The following TENM2 variants were observed in gnomAD, a reference collection of about 807,000 sequenced individuals.
The protein encoded by TENM2 is teneurin-2.
A neutral mutation model predicts 245.2 loss-of-function variants in TENM2; 52 were observed. The observed-to-expected ratio is 0.21, with a 90% CI of 0.17 to 0.27. The LOEUF (loss-of-function observed/expected upper bound fraction) is 0.27. Among genes scored for constraint, TENM2 ranks in the 10% least tolerant of loss-of-function variants. The pLI is 1.00. For synonymous variants in TENM2, 1,363 were observed against 1,438.9 expected, an observed-to-expected ratio of 0.95 and a Z score of 1.19; for missense variants, 3,046 against 3,666.8, an observed-to-expected ratio of 0.83 and a Z score of 4.37.
At chr5:168,167,306 G>A (rs1407733184) in intron 13 of TENM2, among the ~76,000 whole-genome samples, 2 of 151,934 alleles carry the variant, frequency 1.3e-5, no homozygotes, top group Non-Finnish European at 2.9e-5. Context: ...CTAAAAGTGG[G>A]AACTGCAAGG....
intron 10 of TENM2, among the ~76,000 whole-genome samples, chr5:168,123,098 A>G (rs1640522851): frequency 6.6e-6 from 1 of 151,736 alleles, no homozygotes; most frequent in African/African-American, 2.4e-5. Flanking sequence ...GGAGTTCACA[A>G]CTAGCCTGGG....
the TENM2 span, among the ~76,000 whole-genome samples, chr5:167,044,754 ACTCAAGC>A: frequency 6.6e-6 from 1 of 152,188 alleles, no homozygotes; most frequent in Non-Finnish European, 1.5e-5. Context: ...GAGCCAGAAG[ACTCAAGC>A]CACAGGAAGA....
the TENM2 span, among the ~76,000 whole-genome samples, chr5:167,003,083 A>G: frequency 6.6e-6 from 1 of 152,258 alleles, no homozygotes; most frequent in East Asian, 1.9e-4. Context: ...TGTTAGGCTA[A>G]AAGAAAAATA....
chr5:167,431,940 C>CATATATATATAT (rs1189670905), intron 2 of TENM2, among the ~76,000 whole-genome samples: 2 of 65,854 alleles, frequency 3.0e-5, no homozygotes, highest in African/African-American at 1.2e-4. Context: ...TATATATATA[C>CATATATATATAT]ATATATATGT....
intron 4 of TENM2, among the ~76,000 whole-genome samples, chr5:167,978,486 GA>G (rs1782602530): frequency 6.6e-6 from 1 of 152,172 alleles, no homozygotes; most frequent in African/African-American, 2.4e-5. Context: ...GGATGAACTT[GA>G]AAACATTATG....
chr5:168,171,293 T>C (rs919435082), intron 13 of TENM2, among the ~76,000 whole-genome samples: 3 of 152,254 alleles, frequency 2.0e-5, no homozygotes, highest in African/African-American at 7.2e-5. Context: ...TATTTCATCA[T>C]ATTATTTTCA....
At chr5:167,766,336 A>C (rs796895191) in intron 2 of TENM2, among the ~76,000 whole-genome samples, 1 of 152,224 alleles carries the variant, frequency 6.6e-6, no homozygotes, top group Non-Finnish European at 1.5e-5. Context: ...AAGGGGACAC[A>C]GTGGGATGAT....
At chr5:168,199,715 T>C (rs1761767115) in intron 16 of TENM2, 149 bp from the exon 19 acceptor site, 1 of 774,294 alleles carries the variant, frequency 1.3e-6, no homozygotes, top group Middle Eastern at 3.9e-4. Flanking sequence ...TTGTTGTTGT[T>C]TTTCTTTCTC....
chr5:168,234,257 C>T (rs1050409643), intron 25 of TENM2, among the ~76,000 whole-genome samples: 1 of 152,134 alleles, frequency 6.6e-6, no homozygotes, highest in Non-Finnish European at 1.5e-5. Flanking sequence ...CCCAGCATTT[C>T]TATTTTTCAT....
chr5:167,660,970 A>G (rs1561647983), intron 2 of TENM2, among the ~76,000 whole-genome samples: 1 of 152,200 alleles, frequency 6.6e-6, no homozygotes, highest in Non-Finnish European at 1.5e-5. Context: ...CTTAGTTGTT[A>G]GTATAAATAA....
chr5:167,003,091 A>T, the TENM2 span, among the ~76,000 whole-genome samples: 1 of 152,162 alleles, frequency 6.6e-6, no homozygotes, highest in Non-Finnish European at 1.5e-5. Context: ...TAAAAGAAAA[A>T]TATCTGAAAA....
intron 2 of TENM2, among the ~76,000 whole-genome samples, chr5:167,501,924 A>T (rs1250289608): frequency 1.3e-5 from 2 of 152,154 alleles, no homozygotes; most frequent in African/African-American, 2.4e-5. Flanking sequence ...TATTTGTATA[A>T]TTGCCACAAC....
chr5:168,262,299 A>G (rs1392498447), exon 29 of TENM2: 1 of 1,610,352 alleles, frequency 6.2e-7, no homozygotes. Context: ...AACGCCTACT[A>G]CCTGGACAAG....
At chr5:167,289,872 A>G (rs1270140398) in intron 1 of TENM2, among the ~76,000 whole-genome samples, 1 of 152,192 alleles carries the variant, frequency 6.6e-6, no homozygotes, top group Non-Finnish European at 1.5e-5. Flanking sequence ...CTATACCTAA[A>G]TAATAATTAA....
intron 4 of TENM2, among the ~76,000 whole-genome samples, chr5:167,986,358 CAGA>C (rs1425234866): frequency 6.6e-6 from 1 of 152,208 alleles, no homozygotes; most frequent in Non-Finnish European, 1.5e-5. Context: ...ATGCAGGACA[CAGA>C]GCTGAGAACG....
intron 2 of TENM2, among the ~76,000 whole-genome samples, chr5:167,842,868 C>A (rs145728446): frequency 1.3e-5 from 2 of 152,132 alleles, no homozygotes; most frequent in Admixed American, 6.6e-5. Context: ...CACACTTAGC[C>A]GTGCTGGGCT....
chr5:167,917,801 A>G (rs537828640), intron 3 of TENM2, among the ~76,000 whole-genome samples: 4 of 152,256 alleles, frequency 2.6e-5, no homozygotes, highest in African/African-American at 9.6e-5. Context: ...TTTGATGGAG[A>G]TTCAAAGTGC....
At chr5:168,170,180 G>A (rs1029336766) in intron 13 of TENM2, among the ~76,000 whole-genome samples, 3 of 152,150 alleles carry the variant, frequency 2.0e-5, no homozygotes, top group Non-Finnish European at 2.9e-5. Context: ...TAGGGGTTCA[G>A]TTTTCTCTTA....
At chr5:168,082,827 T>C (rs1792120991) in intron 7 of TENM2, among the ~76,000 whole-genome samples, 1 of 152,278 alleles carries the variant, frequency 6.6e-6, no homozygotes, top group Admixed American at 6.5e-5. Flanking sequence ...TCGTCTCAGA[T>C]GGGCATCTGG....
Sources: gnomAD v4.1 joint callset for allele counts (sites outside exome capture counted in the v4.1 genomes callset) on GRCh38, gnomAD v4.1.1 for gene constraint, MANE v1.5 for transcripts, NCBI Gene and HGNC (gene_info 2026-07-23, HGNC 2026-07-21) for gene names.